Variants in LMBR1L observed in about 807,000 individuals in gnomAD.
LMBR1L encodes protein LMBR1L.
In LMBR1L, 47 loss-of-function variants were observed where a neutral mutation model predicts 67.3. The observed-to-expected ratio is 0.70, with a 90% CI of 0.55 to 0.89. LMBR1L has a LOEUF of 0.89. LMBR1L is among the 40% of genes least tolerant of loss of function. The pLI is 0.00. For missense variants in LMBR1L, 533 were observed against 599.2 expected (o/e 0.89, Z 1.15); for synonymous variants, 247 against 250.3 (o/e 0.99, Z 0.13).
At chr12:49,099,520 G>A (rs1025806256) in intron 15 of LMBR1L, among the ~76,000 whole-genome samples, 1 of 151,972 alleles carries the variant, frequency 6.6e-6, no homozygotes, top group Non-Finnish European at 1.5e-5. Flanking sequence ...GGAGGTAGGA[G>A]GGCGGCTGTT....
rs1941433522 is a variant in LMBR1L at position 49,110,548 on chromosome 12, G to A, written c.8C>T (p.Ala3Val). The A allele has an allele frequency of 6.2e-7, 1 of 1,613,876 alleles. No homozygotes were observed. Among genetic ancestry groups the A allele is most frequent in the Non-Finnish European group, 8.5e-7 (1 of 1,179,908 alleles). Reference protein sequence around the residue: MEAPDYEVLSVRE... With the variant: MEVPDYEVLSVRE... ...CACGGATAGCACTTCGTAGTCAGGT[G>A]CTTCCATACTCTGCTCAGCATGACT... The change falls in exon 1 of 17, where the codon GCA becomes GTA. Residue 3 changes from alanine (A) to valine (V), a missense_variant. By Grantham distance (64) the Ala-to-Val change is moderately conservative (BLOSUM62 0). Around this residue, in one of 3 missense-constraint regions of LMBR1L, gnomAD observed 246 missense variants for 249.0 expected, o/e 0.99. Coordinates refer to ENST00000267102, the MANE Select transcript of LMBR1L (RefSeq NM_018113.4).
intron 6 of LMBR1L, 52 bp downstream of exon 6, chr12:49,103,635 G>C (rs1161744655): frequency 2.2e-5 from 34 of 1,568,792 alleles, no homozygotes; most frequent in South Asian, 2.1e-4. Flanking sequence ...CAGGCAGGGG[G>C]ACATGGGCCA....
intron 1 of LMBR1L, among the ~76,000 whole-genome samples, chr12:49,109,551 C>T (rs1292008125): frequency 6.6e-6 from 1 of 152,248 alleles, no homozygotes; most frequent in African/African-American, 2.4e-5. Flanking sequence ...AATGGATTCC[C>T]ACACTTACTA....
Position 49,102,295 on chromosome 12 carries a change from A to G in LMBR1L, c.851T>C (p.Leu284Pro), listed in dbSNP as rs1211376171. ...VLALQTQRVL[L>P]EKRRKASAWQ... ...CCAAGCCCTACGAAGCCACATACCC[A>G]GCAGGACCCTCTGTGTCTGCAGAGC... Residue 284 changes from leucine (L) to proline (P), a missense_variant and splice_region_variant, in exon 10 of 17, where the codon CTG becomes CCG. Coordinates refer to ENST00000267102, the MANE Select transcript of LMBR1L (RefSeq NM_018113.4). 1 of 1,614,170 alleles carries G rather than the reference A, an allele frequency of 6.2e-7. No homozygotes were observed. The highest frequency in any genetic ancestry group is 8.5e-7 in the Non-Finnish European group (1 of 1,179,978).
intron 1 of LMBR1L, among the ~76,000 whole-genome samples, chr12:49,108,845 A>T (rs1941228227): frequency 6.6e-6 from 1 of 152,224 alleles, no homozygotes. Context: ...TCCAGTCTCC[A>T]GAAAGGGCTG....
At chr12:49,109,780 G>A (rs1246940168) in intron 1 of LMBR1L, 1 of 455,316 alleles carries the variant, frequency 2.2e-6, no homozygotes, top group Non-Finnish European at 4.4e-6. Context: ...CGCTCTAAGT[G>A]GCAGGGAGGG....
intron 2 of LMBR1L, 122 bp downstream of exon 2, chr12:49,106,839 A>C: frequency 1.1e-6 from 1 of 938,734 alleles, no homozygotes; most frequent in South Asian, 1.3e-5. Context: ...CTGAAGAGGC[A>C]AAGGCTCCAG....
At chr12:49,106,776 C>G (rs1184050663) in intron 2 of LMBR1L, 185 bp downstream of exon 2, 1 of 832,002 alleles carries the variant, frequency 1.2e-6, no homozygotes, top group African/African-American at 1.7e-5. Flanking sequence ...TATGACTTGC[C>G]CAGCAGACAC....
chr12:49,103,237 G>A (rs925285767), intron 6 of LMBR1L, 78 bp from the exon 7 acceptor site: 13 of 1,253,434 alleles, frequency 1.0e-5, no homozygotes, highest in Non-Finnish European at 1.5e-5. Context: ...TCAGAGTCTA[G>A]ACAAGGGCAC....
Position 49,110,697 on chromosome 12 carries a change from G to T in LMBR1L, c.-142C>A. The T allele has an allele frequency of 5.6e-6, 4 of 708,146 alleles. No individual in the cohort carries two copies. The highest frequency in any genetic ancestry group is 1.0e-5 in the Non-Finnish European group (4 of 401,954). 43.9% of individuals were successfully genotyped at this position (708,146 alleles called of 1,614,324 possible). On this transcript the variant is annotated 5_prime_UTR_variant, in exon 1 of 17. Coordinates refer to ENST00000267102, the MANE Select transcript of LMBR1L (RefSeq NM_018113.4). ...CGACAGAAACTCGGGGCAGTCTGGG[G>T]CTCAGATACAGTCGTCCGGACGCCC...
rs928574556 is a variant in LMBR1L, at chr12:49,097,520, A to T, written c.*152T>A. On this transcript the variant is annotated 3_prime_UTR_variant, in exon 17 of 17. Transcript: ENST00000267102. ...AGGTCCTGGTCCCAAACTCTGGCTC[A>T]GATTATGCAATAGTGCAGATGGCTC... The T allele has an allele frequency of 9.5e-6, 7 of 735,186 alleles. No individual in the cohort carries two copies. Among genetic ancestry groups the T allele is most frequent in the Non-Finnish European group, 1.6e-5 (7 of 431,918 alleles). The allele number at this position is 735,186 out of a possible 1,614,324, so 45.5% of individuals were successfully genotyped here. A position where few individuals can be genotyped will look rare whatever the true frequency, so the allele number is the denominator to read the frequency against.
intron 1 of LMBR1L, chr12:49,109,954 A>G: frequency 2.2e-6 from 1 of 445,106 alleles, no homozygotes; most frequent in South Asian, 1.6e-5. Context: ...CCTCATCTCT[A>G]CATATTAGGA....
chr12:49,101,932 C>A, intron 11 of LMBR1L, 188 bp downstream of exon 11: 1 of 602,588 alleles, frequency 1.7e-6, no homozygotes, highest in Non-Finnish European at 2.9e-6. Context: ...TCTGTCTCTT[C>A]GTCTACAAAA....
intron 1 of LMBR1L, among the ~76,000 whole-genome samples, chr12:49,109,385 T>G (rs1336294662): frequency 6.6e-6 from 1 of 151,962 alleles, no homozygotes. Context: ...AAAGCACACT[T>G]CTACTGGAGT....
intron 13 of LMBR1L, 71 bp from the exon 14 acceptor site, chr12:49,100,717 T>G: frequency 8.0e-5 from 87 of 1,088,336 alleles, no homozygotes; most frequent in Non-Finnish European, 1.0e-4. Flanking sequence ...AACAGAGCTC[T>G]CTCCCAGCCC....
chr12:49,101,601 C>A, intron 11 of LMBR1L, 52 bp from the exon 12 acceptor site: 2 of 1,374,112 alleles, frequency 1.5e-6, no homozygotes, highest in South Asian at 1.2e-5. Flanking sequence ...CAGCTGGACC[C>A]AGAGCTAAAG....
chr12:49,102,373 G>T lies in LMBR1L; in HGVS notation c.773C>A (p.Pro258His). 3.1e-6 allele frequency: 5 copies of T among 1,614,210 alleles called. No homozygotes were observed. Among genetic ancestry groups the T allele is most frequent in the Non-Finnish European group, 4.2e-6 (5 of 1,180,006 alleles). Residue 258 changes from proline to histidine, a missense_variant, in exon 10 of 17, where the codon CCT becomes CAT. Coordinates refer to ENST00000267102, the MANE Select transcript of LMBR1L (RefSeq NM_018113.4). ...GTCTAAAGGCAGCCAGCAGGAAGTA[G>T]GATCTGAGGGCAGAGAAGATGGTGT... ...EAALTRRICN[P>H]TSCWLPLDME...
intron 5 of LMBR1L, 24 bp downstream of exon 5, chr12:49,104,424 C>G (rs770650284): frequency 1.3e-6 from 2 of 1,485,012 alleles, no homozygotes; most frequent in Non-Finnish European, 1.9e-6. Flanking sequence ...CCGTTTCCTG[C>G]CTGGATACAT....
chr12:49,110,022 C>T, intron 1 of LMBR1L: 1 of 459,674 alleles, frequency 2.2e-6, no homozygotes, highest in South Asian at 1.5e-5. Context: ...TCCCCAGGTT[C>T]CTCCCGTCTG....
Sources: allele counts gnomAD v4.1 joint callset (sites outside exome capture counted in the v4.1 genomes callset), GRCh38; gene constraint gnomAD v4.1.1; regional missense constraint gnomAD v4.1.1; transcripts MANE v1.5; gene names NCBI Gene and HGNC (gene_info 2026-07-23, HGNC 2026-07-21).